NOTCH2NLR: variants seen among roughly 807,000 people sequenced by gnomAD.
The protein encoded by NOTCH2NLR is notch 2 N-terminal like R, also known as notch 2 N-terminal like R (pseudogene).
In NOTCH2NLR, 33 loss-of-function variants were observed where a neutral mutation model predicts 35.6. That is an observed-to-expected ratio of 0.93 (90% CI 0.70 to 1.24). The LOEUF is 1.24. Ranked by LOEUF, NOTCH2NLR falls within the 50% of genes most tolerant of loss-of-function variation. The probability of loss-of-function intolerance (pLI) is 0.00; values close to 1 mark genes in which losing one functional copy is unlikely to be tolerated. For missense variants in NOTCH2NLR, 276 were observed against 362.2 expected, an observed-to-expected ratio of 0.76 and a Z score of 1.93; for synonymous variants, 103 against 141.0, an observed-to-expected ratio of 0.73 and a Z score of 1.91.
At chr1:120,791,390 A>T (rs1347704296) in intron 3 of NOTCH2NLR, among the ~76,000 whole-genome samples, 1 of 108,674 alleles carries the variant, frequency 9.2e-6, no homozygotes, top group Non-Finnish European at 1.7e-5. Flanking sequence ...AAGAGTTGGA[A>T]CCAGCCCAAA....
At chr1:120,759,576 G>C (rs1279765691) in intron 1 of NOTCH2NLR, among the ~76,000 whole-genome samples, 1 of 97,300 alleles carries the variant, frequency 1.0e-5, no homozygotes, top group Non-Finnish European at 1.8e-5. Flanking sequence ...AATGAGGTCT[G>C]TCCCGGTCTC....
rs1483735576 is a variant in NOTCH2NLR at position 120,737,798 on chromosome 1, A to G, written c.73+13548A>G. 5.0e-5 allele frequency among the ~76,000 whole-genome samples: 6 copies of G among 120,844 alleles called. 2 individuals carry two copies. The highest frequency in any genetic ancestry group is 1.0e-4 in the Non-Finnish European group (6 of 59,868). 79.3% of individuals were successfully genotyped at this position (120,844 alleles called of 152,430 possible). A position where few individuals can be genotyped will look rare whatever the true frequency, so the allele number is the denominator to read the frequency against. On this transcript the variant is annotated intron_variant, in intron 1 of 4. Transcript: ENST00000624419. ...TCTCAGAAAAGGGCTTTATATTTTA[A>G]CATTTGTTTCCCTTGACAGTTTGCT...
Position 120,792,437 on chromosome 1 carries a change from A to G in NOTCH2NLR, c.416-724A>G, listed in dbSNP as rs1372229498. Among the ~76,000 whole-genome samples the G allele has an allele frequency of 2.2e-5, 2 of 92,158 alleles. 1 individual carries two copies. The highest frequency in any genetic ancestry group is 5.1e-4 in the East Asian group (2 of 3,956). 60.5% of individuals were successfully genotyped at this position (92,158 alleles called of 152,430 possible). On this transcript the variant is annotated intron_variant, in intron 3 of 4. Coordinates refer to ENST00000624419, the Ensembl canonical transcript of NOTCH2NLR. ...TGAGGGGCACTAAGGATGACTTTACAGAGGTTGGAACTTTTGAGTACAGTT... is the reference window on the plus strand; with the variant it reads ...TGAGGGGCACTAAGGATGACTTTACGGAGGTTGGAACTTTTGAGTACAGTT...
In NOTCH2NLR at chr1:120,745,835, AC is replaced by A. The variant is rs1236535564; in HGVS notation, c.74-17792del. On this transcript the variant is annotated intron_variant, in intron 1 of 4. Transcript: ENST00000624419. ...CATCTCAAAAAAAAAAAAAAAAAAA[AC>A]AAGGTAAAGTAATTTTTCAAGAGCA... Among the ~76,000 whole-genome samples the A allele has an allele frequency of 5.5e-5, 5 of 90,990 alleles. 1 individual carries two copies. Among genetic ancestry groups the A allele is most frequent in the Admixed American group, 1.1e-4 (1 of 9,146 alleles). The allele number at this position is 90,990 out of a possible 152,430, so 59.7% of individuals were successfully genotyped here.
intron 1 of NOTCH2NLR, among the ~76,000 whole-genome samples, chr1:120,759,866 T>C (rs1230567318): frequency 9.0e-6 from 1 of 111,382 alleles, no homozygotes; most frequent in Non-Finnish European, 1.7e-5. Flanking sequence ...AAATGTACAA[T>C]ACCCTATTAT....
In NOTCH2NLR at chr1:120,724,398, G is replaced by C; in HGVS notation, c.73+148G>C. The C allele has an allele frequency of 1.3e-5, 18 of 1,346,342 alleles. 4 individuals are homozygous for C. Among genetic ancestry groups the C allele is most frequent in the Non-Finnish European group, 1.6e-5 (17 of 1,030,446 alleles). The allele number at this position is 1,346,342 out of a possible 1,614,324, so 83.4% of individuals were successfully genotyped here. A position where few individuals can be genotyped will look rare whatever the true frequency, so the allele number is the denominator to read the frequency against. On this transcript the variant is annotated intron_variant, in intron 1 of 4. Transcript: ENST00000624419. The stretch of plus-strand genomic sequence containing the variant: ...CCACTCGCTGGGTTCCCAAGAGTTT[G>C]GACATCGCCGGGGGCCCCTCCCGTG...
chr1:120,752,631 C>A, intron 1 of NOTCH2NLR, among the ~76,000 whole-genome samples: 1 of 31,446 alleles, frequency 3.2e-5, no homozygotes, highest in Non-Finnish European at 4.7e-5. Flanking sequence ...AGTGCAGTGG[C>A]ACAATCTTGG....
At position 120,728,902 on chromosome 1, in the gene NOTCH2NLR, C is replaced by G. The variant is rs1650845421; in HGVS notation, c.73+4652C>G. ...ATGATGAATAAATACTTGAGAGAAT[C>G]ACATGGTGTTGAGTTGTCTCTGCCA... On this transcript the variant is annotated intron_variant, in intron 1 of 4. Coordinates refer to ENST00000624419, the Ensembl canonical transcript of NOTCH2NLR. Among the ~76,000 whole-genome samples the G allele has an allele frequency of 2.8e-5, 3 of 107,908 alleles. 1 individual carries two copies. In the South Asian group the frequency reaches 7.9e-4, roughly 29 times the overall value. 70.8% of individuals were successfully genotyped at this position (107,908 alleles called of 152,430 possible).
At position 120,792,636 on chromosome 1, in the gene NOTCH2NLR, G is replaced by A. The variant is rs1651504742; in HGVS notation, c.416-525G>A. ...TCTGCCTCAGCCTTCCAAGTAGCTG[G>A]GATTACAGGTGCGCGCCACCATGCC... On this transcript the variant is annotated intron_variant, in intron 3 of 4. Transcript: ENST00000624419. 1.9e-5 allele frequency among the ~76,000 whole-genome samples: 2 copies of A among 106,970 alleles called. 1 individual carries two copies. The highest frequency in any genetic ancestry group is 5.4e-4 in the South Asian group (2 of 3,730). 70.2% of individuals were successfully genotyped at this position (106,970 alleles called of 152,430 possible).
rs1471211084 is a variant in NOTCH2NLR, at chr1:120,768,593, G to A, written c.155+4884G>A. Among the ~76,000 whole-genome samples the A allele has an allele frequency of 1.3e-4, 14 of 108,958 alleles. 4 individuals are homozygous for A. The East Asian group carries it at 2.2e-3, about 17-fold the overall frequency. The allele number at this position is 108,958 out of a possible 152,430, so 71.5% of individuals were successfully genotyped here. A position where few individuals can be genotyped will look rare whatever the true frequency, so the allele number is the denominator to read the frequency against. ...TTCCTCTTCTGCTGCATGAACTGGG[G>A]TGTACCTTCACGATAAAAAAAAAAA... is the stretch of plus-strand genomic sequence containing the variant. On this transcript the variant is annotated intron_variant, in intron 2 of 4. Transcript: ENST00000624419.
Position 120,733,115 on chromosome 1 carries a change from A to T in NOTCH2NLR, c.73+8865A>T, listed in dbSNP as rs1341425126. Among the ~76,000 whole-genome samples, 13 of 88,272 alleles carry T rather than the reference A, an allele frequency of 1.5e-4. 3 individuals are homozygous for T. Among genetic ancestry groups the T allele is most frequent in the African/African-American group, 4.9e-4 (6 of 12,190 alleles). The allele number at this position is 88,272 out of a possible 152,430, so 57.9% of individuals were successfully genotyped here. ...TTAGAAAAGCTGTTGATTTATTTTT[A>T]TATATATATATATATATGTTTAGTT... On this transcript the variant is annotated intron_variant, in intron 1 of 4. Coordinates refer to ENST00000624419, the Ensembl canonical transcript of NOTCH2NLR.
rs1651076719 is a variant in NOTCH2NLR at position 120,756,020 on chromosome 1, T to C, written c.74-7608T>C. Among the ~76,000 whole-genome samples, 4 of 112,948 alleles carry C rather than the reference T, an allele frequency of 3.5e-5. 1 individual carries two copies. In the South Asian group the frequency reaches 1.0e-3, roughly 29 times the overall value. 74.1% of individuals were successfully genotyped at this position (112,948 alleles called of 152,430 possible). On this transcript the variant is annotated intron_variant, in intron 1 of 4. Coordinates refer to ENST00000624419, the Ensembl canonical transcript of NOTCH2NLR. Reference sequence around the variant, plus strand: ...TTTCTCCACTTCGTTTTTATTTAAATGTACCACTTGGGATTTGAAGCTTCC... The same window carrying C: ...TTTCTCCACTTCGTTTTTATTTAAACGTACCACTTGGGATTTGAAGCTTCC...
At chr1:120,768,151 C>A (rs1651214641) in intron 2 of NOTCH2NLR, among the ~76,000 whole-genome samples, 1 of 109,948 alleles carries the variant, frequency 9.1e-6, no homozygotes, top group Non-Finnish European at 1.7e-5. Context: ...GGTGGGCCTA[C>A]TTCTGTTCTG....
Position 120,791,348 on chromosome 1 carries a change from G to A in NOTCH2NLR, c.416-1813G>A, listed in dbSNP as rs1374540620. On this transcript the variant is annotated intron_variant, in intron 3 of 4. Coordinates refer to ENST00000624419, the Ensembl canonical transcript of NOTCH2NLR. Reference sequence around the variant, plus strand: ...TGCTGCTATAAAGACACATGCACACGTATGTTTATTGCGGCACTATTCACA... The same window carrying A: ...TGCTGCTATAAAGACACATGCACACATATGTTTATTGCGGCACTATTCACA... 2.3e-4 allele frequency among the ~76,000 whole-genome samples: 23 copies of A among 101,552 alleles called. 5 individuals carry two copies. The East Asian group carries it at 4.5e-3, about 20-fold the overall frequency. 66.6% of individuals were successfully genotyped at this position (101,552 alleles called of 152,430 possible).
At chr1:120,794,251 T>C (rs1207850353), downstream of NOTCH2NLR, among the ~76,000 whole-genome samples, 1 of 112,730 alleles carries the variant, frequency 8.9e-6, no homozygotes, top group East Asian at 2.2e-4. Flanking sequence ...TCGGGGAGCT[T>C]GGGGCCTGGT....
At position 120,791,791 on chromosome 1, in the gene NOTCH2NLR, TATA is replaced by T. The variant is rs1183970741; in HGVS notation, c.416-1357_416-1355del. Among the ~76,000 whole-genome samples the T allele has an allele frequency of 2.4e-4, 19 of 78,640 alleles. 1 individual carries two copies. The highest frequency in any genetic ancestry group is 3.5e-4 in the Non-Finnish European group (16 of 45,792). The allele number at this position is 78,640 out of a possible 152,430, so 51.6% of individuals were successfully genotyped here. On this transcript the variant is annotated intron_variant, in intron 3 of 4. Coordinates refer to ENST00000624419, the Ensembl canonical transcript of NOTCH2NLR. ...TGCACGTGTACCCTAGAACTTAAAGTATAATAATAATAATAGTAATAAAAATTC... is the reference window on the plus strand; with the variant it reads ...TGCACGTGTACCCTAGAACTTAAAGTATAATAATAATAGTAATAAAAATTC...
intron 3 of NOTCH2NLR, among the ~76,000 whole-genome samples, chr1:120,791,348 G>T (rs1374540620): frequency 9.9e-6 from 1 of 101,458 alleles, no homozygotes; most frequent in South Asian, 2.7e-4. Context: ...ACATGCACAC[G>T]TATGTTTATT....
chr1:120,729,739 G>A (rs1262736239), intron 1 of NOTCH2NLR, among the ~76,000 whole-genome samples: 1 of 117,040 alleles, frequency 8.5e-6, no homozygotes, highest in East Asian at 2.1e-4. Flanking sequence ...AATAGCTCAG[G>A]TGTTCTCATG....
chr1:120,780,190 TC>T (rs1651348097), intron 2 of NOTCH2NLR, among the ~76,000 whole-genome samples: 1 of 104,744 alleles, frequency 9.5e-6, no homozygotes, highest in Admixed American at 9.5e-5. Flanking sequence ...GACAGGCTCT[TC>T]CCCACAAAAA....
Sources: gnomAD v4.1 joint callset for allele counts (sites outside exome capture counted in the v4.1 genomes callset) on GRCh38, gnomAD v4.1.1 for gene constraint, MANE v1.5 for transcripts, NCBI Gene and HGNC (gene_info 2026-07-23, HGNC 2026-07-21) for gene names.